Variants in MGMT observed in about 807,000 individuals in gnomAD.
MGMT encodes the protein O-6-methylguanine-DNA methyltransferase, also known as methylated-DNA--protein-cysteine methyltransferase.
MGMT carries 14 observed loss-of-function variants against 15.9 expected under a neutral mutation model. The ratio of observed to expected loss-of-function variants is 0.88; its 90% CI spans 0.58 to 1.37. MGMT has a LOEUF of 1.37. MGMT is among the 40% of genes most tolerant of loss of function. MGMT has a pLI of 0.00. For synonymous variants in MGMT, 130 were observed against 118.2 expected (o/e 1.10, Z -0.65); for missense variants, 282 against 268.1 (o/e 1.05, Z -0.36).
At chr10:129,690,280 A>G (rs928023303) in intron 2 of MGMT, among the ~76,000 whole-genome samples, 1 of 152,210 alleles carries the variant, frequency 6.6e-6, no homozygotes, top group Non-Finnish European at 1.5e-5. Flanking sequence ...GAATATAGCA[A>G]AGTAGTTATA....
chr10:129,483,542 C>A (rs1845380275), intron 1 of MGMT, among the ~76,000 whole-genome samples: 2 of 152,064 alleles, frequency 1.3e-5, no homozygotes, highest in South Asian at 4.1e-4. Flanking sequence ...CTAGGTTGAC[C>A]TGTTTTTTTG....
At chr10:129,683,122 T>C (rs1034086995) in intron 2 of MGMT, among the ~76,000 whole-genome samples, 2 of 152,224 alleles carry the variant, frequency 1.3e-5, no homozygotes, top group Non-Finnish European at 2.9e-5. Context: ...GTGCCGGGAT[T>C]ACAGGCGTGA....
intron 2 of MGMT, among the ~76,000 whole-genome samples, chr10:129,664,002 A>G (rs570465547): frequency 1.3e-5 from 2 of 152,338 alleles, no homozygotes; most frequent in African/African-American, 2.4e-5. Context: ...TAAAGATAGT[A>G]TATTGTAAGG....
chr10:129,605,849 C>CTGTG (rs1056286096), intron 2 of MGMT, among the ~76,000 whole-genome samples: 1 of 151,470 alleles, frequency 6.6e-6, no homozygotes, highest in Non-Finnish European at 1.5e-5. Context: ...ACCCGTTGTG[C>CTGTG]TGTGTGTGTG....
In MGMT at chr10:129,650,612, G is replaced by A. The variant is rs556795795; in HGVS notation, c.126-57283G>A. 7.2e-5 allele frequency among the ~76,000 whole-genome samples: 11 copies of A among 152,332 alleles called. No homozygotes were observed. In the South Asian group the frequency reaches 2.3e-3, roughly 32 times the overall value. ...GGCTCTTACTGAACATGAAATGTTG[G>A]AAGTGGAACACTGCAGTGTTACCAG... is the stretch of plus-strand genomic sequence containing the variant. On this transcript the variant is annotated intron_variant, in intron 2 of 4. Coordinates refer to ENST00000651593, the MANE Select transcript of MGMT (RefSeq NM_002412.5).
At chr10:129,578,011 A>G (rs565200820) in intron 2 of MGMT, among the ~76,000 whole-genome samples, 69 of 152,322 alleles carry the variant, frequency 4.5e-4, no homozygotes, top group Admixed American at 9.2e-4. Context: ...TAGAATGGCA[A>G]TCATTAAAAA....
In MGMT at chr10:129,712,372, T is replaced by A. The variant is rs563970253; in HGVS notation, c.274+4329T>A. ...AATGAAATATTTAACACTTTAATAA[T>A]TCCTTCGTCACAGCTATTGGCTTAC... is the stretch of plus-strand genomic sequence containing the variant. On this transcript the variant is annotated intron_variant, in intron 3 of 4. Coordinates refer to ENST00000651593, the MANE Select transcript of MGMT (RefSeq NM_002412.5). Among the ~76,000 whole-genome samples, 44 of 152,374 alleles carry A rather than the reference T, an allele frequency of 2.9e-4. No homozygotes were observed. In the Middle Eastern group the frequency reaches 0.017, roughly 59 times the overall value.
At chr10:129,575,987 A>G (rs1846477799) in intron 2 of MGMT, among the ~76,000 whole-genome samples, 1 of 152,240 alleles carries the variant, frequency 6.6e-6, no homozygotes, top group Non-Finnish European at 1.5e-5. Flanking sequence ...TAAACCAGGA[A>G]GAAGTTGAAT....
At chr10:129,612,904 T>C (rs1554918606) in intron 2 of MGMT, among the ~76,000 whole-genome samples, 1 of 152,208 alleles carries the variant, frequency 6.6e-6, no homozygotes, top group Non-Finnish European at 1.5e-5. Flanking sequence ...GCAGTGAGAC[T>C]CTGTCCCCAT....
intron 1 of MGMT, among the ~76,000 whole-genome samples, chr10:129,527,297 G>A (rs894984471): frequency 6.7e-6 from 1 of 150,292 alleles, no homozygotes; most frequent in Admixed American, 6.6e-5. Context: ...ACAGCTTTTG[G>A]AGCCCCCCTT....
chr10:129,646,733 TA>T (rs1847394196), intron 2 of MGMT, among the ~76,000 whole-genome samples: 4 of 103,192 alleles, frequency 3.9e-5, no homozygotes, highest in South Asian at 5.6e-4. Flanking sequence ...TATATATATA[TA>T]TATATATATA....
intron 2 of MGMT, among the ~76,000 whole-genome samples, chr10:129,552,625 G>A (rs1004037390): frequency 3.3e-5 from 5 of 152,232 alleles, no homozygotes; most frequent in African/African-American, 1.2e-4. Flanking sequence ...CAGGCACATC[G>A]TCTGGTTAGC....
chr10:129,548,917 T>C (rs1846125995), intron 2 of MGMT, among the ~76,000 whole-genome samples: 1 of 152,122 alleles, frequency 6.6e-6, no homozygotes, highest in African/African-American at 2.4e-5. Context: ...GGGCTGGAGG[T>C]GTGAGCACCA....
intron 2 of MGMT, among the ~76,000 whole-genome samples, chr10:129,644,072 G>A (rs901555874): frequency 5.3e-5 from 8 of 152,142 alleles, no homozygotes; most frequent in African/African-American, 1.9e-4. Context: ...GCCAGCCCCG[G>A]TCTAACCCAT....
At chr10:129,734,683 T>C (rs1300294290) in intron 3 of MGMT, among the ~76,000 whole-genome samples, 1 of 152,166 alleles carries the variant, frequency 6.6e-6, no homozygotes, top group African/African-American at 2.4e-5. Context: ...TTCAGTATGA[T>C]ATTGGCTGTG....
intron 2 of MGMT, among the ~76,000 whole-genome samples, chr10:129,705,941 A>G (rs1247021166): frequency 6.6e-6 from 1 of 152,170 alleles, no homozygotes; most frequent in Non-Finnish European, 1.5e-5. Context: ...CTGAATCCGC[A>G]CAGAGCTGGG....
chr10:129,600,736 G>A (rs567740547), intron 2 of MGMT, among the ~76,000 whole-genome samples: 1 of 152,310 alleles, frequency 6.6e-6, no homozygotes, highest in Admixed American at 6.5e-5. Flanking sequence ...GCAGGAATTG[G>A]CTATGACCTG....
At chr10:129,718,971 G>T (rs536581145) in intron 3 of MGMT, among the ~76,000 whole-genome samples, 1 of 151,290 alleles carries the variant, frequency 6.6e-6, no homozygotes, top group African/African-American at 2.4e-5. Context: ...TTTCTGAGAT[G>T]TCTAGAGCCG....
intron 1 of MGMT, among the ~76,000 whole-genome samples, chr10:129,496,064 C>A (rs1049567384): frequency 6.6e-6 from 1 of 152,140 alleles, no homozygotes; most frequent in African/African-American, 2.4e-5. Flanking sequence ...CAATGGGAGG[C>A]GGTTTTGTTT....
Sources: allele counts gnomAD v4.1 joint callset (sites outside exome capture counted in the v4.1 genomes callset), GRCh38; gene constraint gnomAD v4.1.1; transcripts MANE v1.5; gene names NCBI Gene and HGNC (gene_info 2026-07-23, HGNC 2026-07-21).